The following PDE1C variants were observed in gnomAD, a reference collection of about 807,000 sequenced individuals.
PDE1C encodes phosphodiesterase 1C, also known as dual specificity calcium/calmodulin-dependent 3',5'-cyclic nucleotide phosphodiesterase 1C.
A neutral mutation model predicts 93.1 loss-of-function variants in PDE1C; 62 were observed. The ratio of observed to expected loss-of-function variants is 0.67; its 90% confidence interval spans 0.54 to 0.82. The LOEUF is 0.82. PDE1C is among the 40% of genes least tolerant of loss of function. The pLI is 0.00. For missense variants in PDE1C, 742 were observed against 884.6 expected (o/e 0.84, Z 2.04); for synonymous variants, 325 against 310.1 (o/e 1.05, Z -0.50).
intron 2 of PDE1C, among the ~76,000 whole-genome samples, chr7:31,967,855 A>C (rs1474563137): frequency 1.3e-5 from 2 of 152,224 alleles, no homozygotes; most frequent in African/African-American, 4.8e-5. Flanking sequence ...CAAAGACAAA[A>C]ACCACATTAT....
At chr7:31,834,310 T>C (rs1436951359) in intron 11 of PDE1C, among the ~76,000 whole-genome samples, 1 of 152,156 alleles carries the variant, frequency 6.6e-6, no homozygotes, top group Non-Finnish European at 1.5e-5. Context: ...GGGCACTGCC[T>C]AGTGGAGCTG....
intron 3 of PDE1C, among the ~76,000 whole-genome samples, chr7:32,123,675 T>C (rs1799419781): frequency 6.6e-6 from 1 of 152,196 alleles, no homozygotes; most frequent in African/African-American, 2.4e-5. Flanking sequence ...TTAAAAACTC[T>C]CAATAAACTA....
chr7:31,664,887 A>T, the PDE1C span, among the ~76,000 whole-genome samples: 1 of 152,094 alleles, frequency 6.6e-6, no homozygotes, highest in East Asian at 1.9e-4. Context: ...TCCTTTATCC[A>T]CTTGCCACTC....
chr7:32,314,308 C>T (rs1783124371), intron 1 of PDE1C, among the ~76,000 whole-genome samples: 2 of 151,858 alleles, frequency 1.3e-5, no homozygotes, highest in South Asian at 2.1e-4. Flanking sequence ...CCCAGAAATA[C>T]AAAAATTCTA....
chr7:31,893,606 T>C, intron 2 of PDE1C: 1 of 515,864 alleles, frequency 1.9e-6, no homozygotes, highest in Non-Finnish European at 2.5e-6. Flanking sequence ...GAGCTTGATA[T>C]CGCTCAGGTA....
intron 1 of PDE1C, among the ~76,000 whole-genome samples, chr7:32,064,537 C>T (rs1168531540): frequency 3.3e-5 from 5 of 152,162 alleles, no homozygotes; most frequent in Non-Finnish European, 5.9e-5. Context: ...GGCCTCGAGT[C>T]GCATCTCCAA....
intron 1 of PDE1C, among the ~76,000 whole-genome samples, chr7:32,404,205 GGGT>G (rs1785007445): frequency 6.6e-6 from 1 of 152,176 alleles, no homozygotes; most frequent in Non-Finnish European, 1.5e-5. Context: ...CTATTCCATA[GGGT>G]TGCTATGAGG....
At chr7:31,932,945 C>T (rs1804524661) in intron 2 of PDE1C, among the ~76,000 whole-genome samples, 1 of 152,122 alleles carries the variant, frequency 6.6e-6, no homozygotes, top group Admixed American at 6.6e-5. Flanking sequence ...AACCATCTTT[C>T]TCAGCAAACT....
intron 2 of PDE1C, among the ~76,000 whole-genome samples, chr7:32,012,112 C>T (rs1787209862): frequency 6.6e-6 from 1 of 152,152 alleles, no homozygotes; most frequent in African/African-American, 2.4e-5. Context: ...TTTCACATAA[C>T]TATAAAGAAA....
intron 2 of PDE1C, among the ~76,000 whole-genome samples, chr7:31,914,893 A>G (rs944443874): frequency 2.0e-5 from 3 of 152,196 alleles, no homozygotes; most frequent in Admixed American, 6.5e-5. Context: ...GAATGAATCC[A>G]TTATCACAGA....
chr7:32,354,699 T>C (rs1783998430), intron 1 of PDE1C, among the ~76,000 whole-genome samples: 1 of 152,126 alleles, frequency 6.6e-6, no homozygotes, highest in South Asian at 2.1e-4. Context: ...AATTGAGAGA[T>C]ATGGATCCTC....
At chr7:32,267,275 G>A (rs182982773) in intron 1 of PDE1C, among the ~76,000 whole-genome samples, 1 of 152,320 alleles carries the variant, frequency 6.6e-6, no homozygotes, top group East Asian at 1.9e-4. Context: ...CAGAGAGGAA[G>A]CACGTCTAAG....
At chr7:32,356,453 T>C (rs754861630) in intron 1 of PDE1C, among the ~76,000 whole-genome samples, 1 of 152,242 alleles carries the variant, frequency 6.6e-6, no homozygotes, top group Non-Finnish European at 1.5e-5. Flanking sequence ...CACAAGACCA[T>C]GAAGACATGA....
the PDE1C span, chr7:31,707,398 C>T: frequency 3.5e-4 from 286 of 814,940 alleles, no homozygotes; most frequent in Non-Finnish European, 4.9e-4. Flanking sequence ...CTTGAAGATT[C>T]AGACACCTTC....
intron 1 of PDE1C, among the ~76,000 whole-genome samples, chr7:32,322,169 T>C (rs542873129): frequency 3.3e-5 from 5 of 152,326 alleles, no homozygotes; most frequent in African/African-American, 1.2e-4. Flanking sequence ...AGTAACTTGC[T>C]CAGGGTTACT....
intron 2 of PDE1C, among the ~76,000 whole-genome samples, chr7:32,018,617 A>T (rs941720551): frequency 2.6e-5 from 4 of 152,074 alleles, no homozygotes; most frequent in Non-Finnish European, 5.9e-5. Flanking sequence ...GAATAGGTGA[A>T]TCTACACAGA....
chr7:31,663,044 C>T, the PDE1C span, among the ~76,000 whole-genome samples: 2 of 152,274 alleles, frequency 1.3e-5, 1 homozygote, highest in Non-Finnish European at 2.9e-5. Flanking sequence ...CTTTTCAAAC[C>T]CTGTATGCCA....
intron 15 of PDE1C, among the ~76,000 whole-genome samples, chr7:31,810,605 G>C (rs979315251): frequency 1.3e-5 from 2 of 151,900 alleles, no homozygotes; most frequent in Non-Finnish European, 2.9e-5. Context: ...TTTTTTTCTT[G>C]AGGTTCCTGC....
At chr7:31,904,094 T>G (rs918529195) in intron 2 of PDE1C, among the ~76,000 whole-genome samples, 1 of 152,126 alleles carries the variant, frequency 6.6e-6, no homozygotes, top group Non-Finnish European at 1.5e-5. Flanking sequence ...AGTGAAGATT[T>G]TGAAGATTTT....
Sources: gnomAD v4.1 joint callset for allele counts (sites outside exome capture counted in the v4.1 genomes callset) on GRCh38, gnomAD v4.1.1 for gene constraint, MANE v1.5 for transcripts, NCBI Gene and HGNC (gene_info 2026-07-23, HGNC 2026-07-21) for gene names.